HHAT: variants seen among roughly 807,000 people sequenced by gnomAD.
The protein encoded by HHAT is protein-cysteine N-palmitoyltransferase HHAT.
Under a neutral mutation model 70.8 loss-of-function variants are expected in HHAT, and 47 were observed. The observed-to-expected ratio is 0.66, with a 90% CI of 0.53 to 0.85. The LOEUF is 0.85. Ranked by LOEUF, HHAT falls within the 40% of genes least tolerant of loss-of-function variation. HHAT has a pLI of 0.00. For missense variants in HHAT, 609 were observed against 604.8 expected (o/e 1.01, Z -0.07); for synonymous variants, 228 against 247.6 (o/e 0.92, Z 0.74).
intron 8 of HHAT, among the ~76,000 whole-genome samples, chr1:210,485,742 T>C (rs1467285694): frequency 6.6e-6 from 1 of 152,046 alleles, no homozygotes; most frequent in African/African-American, 2.4e-5. Context: ...AACTGTCAGA[T>C]CTCGTGAGAC....
At chr1:210,577,996 G>C (rs559577653) in intron 9 of HHAT, among the ~76,000 whole-genome samples, 19 of 152,204 alleles carry the variant, frequency 1.2e-4, no homozygotes, top group African/African-American at 4.3e-4. Flanking sequence ...ATAGGGTAAT[G>C]ATGGCCTCAT....
intron 7 of HHAT, among the ~76,000 whole-genome samples, chr1:210,442,580 T>C (rs1461816846): frequency 2.0e-5 from 3 of 152,206 alleles, no homozygotes; most frequent in Admixed American, 6.5e-5. Context: ...GTGGTTTTGA[T>C]TTGCATTTCT....
chr1:210,461,822 T>G (rs1183282612), intron 7 of HHAT, among the ~76,000 whole-genome samples: 2 of 152,216 alleles, frequency 1.3e-5, no homozygotes, highest in Non-Finnish European at 2.9e-5. Flanking sequence ...AAGCCTTTCA[T>G]ATCTTAAGCC....
chr1:210,563,975 A>T (rs1404335990), intron 9 of HHAT, among the ~76,000 whole-genome samples: 1 of 152,108 alleles, frequency 6.6e-6, no homozygotes, highest in African/African-American at 2.4e-5. Flanking sequence ...TTGTTTTGAG[A>T]TGGAGTCTCA....
At chr1:210,665,240 C>T (rs1678648358) in intron 11 of HHAT, among the ~76,000 whole-genome samples, 1 of 152,206 alleles carries the variant, frequency 6.6e-6, no homozygotes, top group Non-Finnish European at 1.5e-5. Flanking sequence ...GACAAAACTA[C>T]AATTACTTTT....
intron 11 of HHAT, among the ~76,000 whole-genome samples, chr1:210,658,418 C>A (rs1329324959): frequency 6.6e-6 from 1 of 152,190 alleles, no homozygotes; most frequent in African/African-American, 2.4e-5. Context: ...GATATAAGTT[C>A]ATCCATCAAC....
intron 3 of HHAT, among the ~76,000 whole-genome samples, chr1:210,364,396 G>A (rs1299877528): frequency 1.3e-5 from 2 of 152,060 alleles, no homozygotes; most frequent in South Asian, 4.2e-4. Flanking sequence ...TAACACTAGC[G>A]GATGTCTTAC....
intron 5 of HHAT, among the ~76,000 whole-genome samples, chr1:210,403,568 C>T (rs1355674441): frequency 3.3e-5 from 5 of 152,178 alleles, no homozygotes; most frequent in Non-Finnish European, 1.5e-5. Context: ...CTGCTAAAGT[C>T]TTGTACAAGA....
intron 10 of HHAT, among the ~76,000 whole-genome samples, chr1:210,609,092 C>T (rs1413928949): frequency 2.6e-5 from 4 of 152,070 alleles, no homozygotes; most frequent in East Asian, 3.9e-4. Flanking sequence ...TTCTTTGACA[C>T]GTGGTGATTA....
intron 11 of HHAT, among the ~76,000 whole-genome samples, chr1:210,625,145 G>A (rs1393635487): frequency 2.0e-5 from 3 of 152,162 alleles, no homozygotes; most frequent in African/African-American, 7.2e-5. Context: ...TTTTCTGTGC[G>A]ATGTTTTAGC....
chr1:210,489,520 A>T (rs1276058484), intron 8 of HHAT, among the ~76,000 whole-genome samples: 2 of 152,190 alleles, frequency 1.3e-5, no homozygotes, highest in African/African-American at 4.8e-5. Context: ...TGTGCTCATA[A>T]TTGTCCCCAC....
chr1:210,619,568 G>A (rs998491847), intron 10 of HHAT, among the ~76,000 whole-genome samples: 1 of 152,144 alleles, frequency 6.6e-6, no homozygotes, highest in Non-Finnish European at 1.5e-5. Flanking sequence ...ATGAATGTAG[G>A]GGAGAACAAT....
rs770778775 is a variant in HHAT at position 210,623,559 on chromosome 1, T to C, written c.1279T>C (p.Phe427Leu). The C allele has an allele frequency of 6.2e-7, 1 of 1,614,092 alleles. No individual in the cohort carries two copies. The highest frequency in any genetic ancestry group is 2.2e-5 in the East Asian group (1 of 44,872). ...RYFSPQARRRFHAALASCSTS... is the reference protein window; with the variant it reads ...RYFSPQARRRLHAALASCSTS... ...CTTCTCCCCACAAGCTCGCCGTCGA[T>C]TCCACGCTGCCCTTGCTTCTTGTTC... Residue 427 changes from phenylalanine to leucine, a missense_variant, in exon 11 of 12, where the codon TTC becomes CTC. Physicochemically the swap from Phe to Leu is conservative, Grantham distance 22 (BLOSUM62 0). Coordinates refer to ENST00000261458, the MANE Select transcript of HHAT (RefSeq NM_018194.6).
intron 8 of HHAT, among the ~76,000 whole-genome samples, chr1:210,470,543 A>C (rs2094186106): frequency 6.6e-6 from 1 of 152,208 alleles, no homozygotes; most frequent in South Asian, 2.1e-4. Flanking sequence ...AGGGACTATC[A>C]AGTTAAAGCA....
At chr1:210,392,171 A>G (rs1426432207) in intron 4 of HHAT, among the ~76,000 whole-genome samples, 3 of 152,074 alleles carry the variant, frequency 2.0e-5, no homozygotes, top group Admixed American at 6.6e-5. Flanking sequence ...ACCTGGCCGG[A>G]TATTTCATAT....
chr1:210,505,576 A>G (rs1397925117), intron 8 of HHAT, among the ~76,000 whole-genome samples: 1 of 152,182 alleles, frequency 6.6e-6, no homozygotes, highest in African/African-American at 2.4e-5. Flanking sequence ...TGAACTAATC[A>G]GGGCTTCTTG....
At chr1:210,612,867 A>T (rs908962033) in intron 10 of HHAT, among the ~76,000 whole-genome samples, 30 of 151,992 alleles carry the variant, frequency 2.0e-4, no homozygotes, top group African/African-American at 7.3e-4. Context: ...CATGGTTTTG[A>T]TTTGCATTTC....
chr1:210,388,637 C>T (rs2091250768), intron 4 of HHAT, among the ~76,000 whole-genome samples: 1 of 152,036 alleles, frequency 6.6e-6, no homozygotes, highest in Non-Finnish European at 1.5e-5. Flanking sequence ...TTTAAAATTT[C>T]ATTTAACTTT....
intron 4 of HHAT, among the ~76,000 whole-genome samples, chr1:210,391,401 A>G (rs748597943): frequency 2.6e-5 from 4 of 152,190 alleles, no homozygotes; most frequent in Admixed American, 2.6e-4. Flanking sequence ...AAAAAGTGCA[A>G]ATTATAGAGG....
Sources: allele counts gnomAD v4.1 joint callset (sites outside exome capture counted in the v4.1 genomes callset), GRCh38; gene constraint gnomAD v4.1.1; transcripts MANE v1.5; gene names NCBI Gene and HGNC (gene_info 2026-07-23, HGNC 2026-07-21).